ADGRL3: variants seen among roughly 807,000 people sequenced by gnomAD.
ADGRL3 encodes the protein adhesion G protein-coupled receptor L3.
A neutral mutation model predicts 153.5 loss-of-function variants in ADGRL3; 62 were observed. The observed-to-expected ratio is 0.40, with a 90% CI of 0.33 to 0.50. The LOEUF (loss-of-function observed/expected upper bound fraction) is 0.50. Ranked by LOEUF, ADGRL3 falls within the 20% of genes least tolerant of loss-of-function variation. The pLI, the probability that ADGRL3 is intolerant of heterozygous loss-of-function variation, is 0.47. For synonymous variants in ADGRL3, 710 were observed against 672.5 expected, an observed-to-expected ratio of 1.06 and a Z score of -0.86; for missense variants, 1,641 against 1,859.4, an observed-to-expected ratio of 0.88 and a Z score of 2.16.
At chr4:61,899,115 C>T (rs1177305684) in intron 11 of ADGRL3, among the ~76,000 whole-genome samples, 1 of 152,180 alleles carries the variant, frequency 6.6e-6, no homozygotes, top group Non-Finnish European at 1.5e-5. Context: ...CTCCATTTTA[C>T]AGGCTGCTCT....
At chr4:62,034,577 T>C in intron 23 of ADGRL3, among the ~76,000 whole-genome samples, 1 of 151,840 alleles carries the variant, frequency 6.6e-6, no homozygotes, top group Admixed American at 6.6e-5. Context: ...ACTGAAGAAA[T>C]GGTTAGGAGG....
At chr4:61,512,623 A>T (rs917817791) in intron 3 of ADGRL3, among the ~76,000 whole-genome samples, 4 of 152,174 alleles carry the variant, frequency 2.6e-5, no homozygotes, top group African/African-American at 9.6e-5. Flanking sequence ...GGAAATAAAA[A>T]GGAACAAGAT....
chr4:61,604,557 T>A (rs1169226867), intron 5 of ADGRL3, among the ~76,000 whole-genome samples: 1 of 152,192 alleles, frequency 6.6e-6, no homozygotes, highest in Non-Finnish European at 1.5e-5. Context: ...ACTCAAATGA[T>A]CCTTTCTTCC....
intron 5 of ADGRL3, among the ~76,000 whole-genome samples, chr4:61,630,117 C>T (rs950436555): frequency 2.0e-5 from 3 of 152,082 alleles, no homozygotes; most frequent in Non-Finnish European, 4.4e-5. Context: ...TTATGCTTTT[C>T]CTGGATTTTA....
intron 5 of ADGRL3, among the ~76,000 whole-genome samples, chr4:61,646,982 G>T (rs924466628): frequency 6.6e-6 from 1 of 152,326 alleles, no homozygotes; most frequent in East Asian, 1.9e-4. Context: ...CTCCTGGTGC[G>T]CCGTTTTTTA....
At chr4:62,041,814 C>T (rs1442262020) in intron 24 of ADGRL3, among the ~76,000 whole-genome samples, 3 of 151,988 alleles carry the variant, frequency 2.0e-5, no homozygotes, top group African/African-American at 4.8e-5. Flanking sequence ...TATACTTTTT[C>T]CTCTGCCTGC....
intron 8 of ADGRL3, among the ~76,000 whole-genome samples, chr4:61,763,125 G>T (rs566866423): frequency 2.0e-5 from 3 of 150,540 alleles, no homozygotes; most frequent in African/African-American, 7.4e-5. Context: ...TTTGCATAAA[G>T]ATTTTTTTTC....
intron 19 of ADGRL3, among the ~76,000 whole-genome samples, chr4:61,985,825 T>A (rs1413071606): frequency 6.6e-6 from 1 of 151,912 alleles, no homozygotes; most frequent in Admixed American, 6.6e-5. Flanking sequence ...TATTATTTTT[T>A]AATCTCAACT....
chr4:61,406,468 G>A (rs1005566820), intron 2 of ADGRL3, among the ~76,000 whole-genome samples: 5 of 146,548 alleles, frequency 3.4e-5, no homozygotes, highest in Non-Finnish European at 7.5e-5. Context: ...TATTTTATCA[G>A]TATGTCTTTC....
At chr4:62,018,196 G>A (rs2099222056) in intron 21 of ADGRL3, among the ~76,000 whole-genome samples, 1 of 152,124 alleles carries the variant, frequency 6.6e-6, no homozygotes, top group African/African-American at 2.4e-5. Context: ...CCAAAGGCCA[G>A]CAGGTGCTTC....
rs73822592 is a variant in ADGRL3 at position 61,279,220 on chromosome 4, A to G, written c.-240+77455A>G. Among the ~76,000 whole-genome samples, 363 of 152,316 alleles carry G rather than the reference A, an allele frequency of 2.4e-3. 1 individual carries two copies. Among genetic ancestry groups the G allele is most frequent in the African/African-American group, 8.4e-3 (351 of 41,578 alleles). On this transcript the variant is annotated intron_variant, in intron 1 of 26. Coordinates refer to ENST00000683033, the MANE Select transcript of ADGRL3 (RefSeq NM_001387552.1). Reference sequence around the variant, plus strand: ...TGAGTTTTGAAGCCAAATGGGTATCACTACTGATACTTAGTTTACTTATAA... The same window carrying G: ...TGAGTTTTGAAGCCAAATGGGTATCGCTACTGATACTTAGTTTACTTATAA...
intron 6 of ADGRL3, among the ~76,000 whole-genome samples, chr4:61,726,210 G>GTTTTTGTTTTTGTTTTTTTTTTT (rs2096336878): frequency 8.4e-6 from 1 of 118,480 alleles, no homozygotes; most frequent in Non-Finnish European, 1.7e-5. Flanking sequence ...TTTTTTTTTT[G>GTTTTTGTTTTTGTTTTTTTTTTT]TTTTTTGAGA....
At chr4:62,007,994 CA>C (rs1222354314) in intron 21 of ADGRL3, among the ~76,000 whole-genome samples, 1 of 152,042 alleles carries the variant, frequency 6.6e-6, no homozygotes, top group Non-Finnish European at 1.5e-5. Flanking sequence ...TCTAGCTTTT[CA>C]AATAAGATGG....
At chr4:61,828,826 GA>G (rs1197363600) in intron 9 of ADGRL3, among the ~76,000 whole-genome samples, 5 of 152,224 alleles carry the variant, frequency 3.3e-5, no homozygotes, top group Admixed American at 2.6e-4. Context: ...AATGTCATAT[GA>G]AAAGCTATGT....
At chr4:61,205,421 T>C (rs1736651590) in intron 1 of ADGRL3, among the ~76,000 whole-genome samples, 1 of 152,168 alleles carries the variant, frequency 6.6e-6, no homozygotes, top group African/African-American at 2.4e-5. Context: ...AGTTGGAATT[T>C]AAAAAGGATG....
At chr4:61,796,258 G>T (rs1315933028) in intron 8 of ADGRL3, among the ~76,000 whole-genome samples, 2 of 152,046 alleles carry the variant, frequency 1.3e-5, no homozygotes, top group African/African-American at 4.8e-5. Flanking sequence ...ATTAGAATGG[G>T]GTCTCTTAGG....
chr4:61,795,159 G>C (rs762196525), intron 8 of ADGRL3, among the ~76,000 whole-genome samples: 2 of 152,036 alleles, frequency 1.3e-5, no homozygotes, highest in African/African-American at 2.4e-5. Flanking sequence ...TTATTTTTTA[G>C]CTCTGTTGCC....
intron 4 of ADGRL3, among the ~76,000 whole-genome samples, chr4:61,523,482 T>C (rs1314997101): frequency 1.3e-5 from 2 of 152,132 alleles, no homozygotes; most frequent in African/African-American, 4.8e-5. Flanking sequence ...TTTGCCATTT[T>C]AGACAAGACT....
intron 5 of ADGRL3, among the ~76,000 whole-genome samples, chr4:61,588,443 C>G (rs1228721121): frequency 6.6e-6 from 1 of 151,672 alleles, no homozygotes; most frequent in African/African-American, 2.4e-5. Context: ...CATTCATAGT[C>G]AATATGTTAT....
Sources: allele counts gnomAD v4.1 joint callset (sites outside exome capture counted in the v4.1 genomes callset), GRCh38; gene constraint gnomAD v4.1.1; transcripts MANE v1.5; gene names NCBI Gene and HGNC (gene_info 2026-07-23, HGNC 2026-07-21).